ATAD2B: variants seen among roughly 807,000 people sequenced by gnomAD.
ATAD2B encodes the protein ATPase family AAA domain containing 2B.
In ATAD2B, 40 loss-of-function variants were observed where a neutral mutation model predicts 167.6. The observed-to-expected ratio is 0.24, with a 90% CI of 0.19 to 0.31. The LOEUF (loss-of-function observed/expected upper bound fraction) is 0.31, where lower values mean the gene tolerates loss of function less well. Ranked by LOEUF, ATAD2B falls within the 10% of genes least tolerant of loss-of-function variation. The pLI, the probability that ATAD2B is intolerant of heterozygous loss-of-function variation, is 1.00. For missense variants in ATAD2B, 1,242 were observed against 1,757.2 expected, an observed-to-expected ratio of 0.71 and a Z score of 5.24; for synonymous variants, 579 against 596.5, an observed-to-expected ratio of 0.97 and a Z score of 0.43.
the ATAD2B span, among the ~76,000 whole-genome samples, chr2:23,715,024 G>GA: frequency 2.0e-5 from 3 of 151,800 alleles, no homozygotes; most frequent in African/African-American, 7.3e-5. Flanking sequence ...ATTTTTAATT[G>GA]AAAAAAATCC....
intron 1 of ATAD2B, among the ~76,000 whole-genome samples, chr2:23,902,013 A>C (rs998008365): frequency 3.9e-5 from 6 of 152,140 alleles, no homozygotes; most frequent in African/African-American, 1.4e-4. Context: ...ACTGGCTTTC[A>C]ATTCCATTCA....
At chr2:23,770,574 G>T (rs1678182666) in intron 22 of ATAD2B, among the ~76,000 whole-genome samples, 1 of 152,126 alleles carries the variant, frequency 6.6e-6, no homozygotes, top group Non-Finnish European at 1.5e-5. Flanking sequence ...ATATCCAATT[G>T]TTCCAACACT....
intron 27 of ATAD2B, 63 bp downstream of exon 27, chr2:23,754,116 T>C (rs1675678092): frequency 5.1e-6 from 7 of 1,366,068 alleles, no homozygotes; most frequent in Admixed American, 3.5e-5. Flanking sequence ...CTTTTTTTCC[T>C]CTTTTCTTTG....
chr2:23,731,371 G>C, the ATAD2B span, among the ~76,000 whole-genome samples: 1 of 152,122 alleles, frequency 6.6e-6, no homozygotes, highest in Non-Finnish European at 1.5e-5. Context: ...GATTACATTA[G>C]AACTCACCAT....
chr2:23,751,956 A>G lies in ATAD2B; in HGVS notation c.*90T>C. The G allele has an allele frequency of 9.9e-7, 1 of 1,011,488 alleles. No homozygotes were observed. The highest frequency in any genetic ancestry group is 1.5e-6 in the Non-Finnish European group (1 of 666,096). 62.7% of individuals were successfully genotyped at this position (1,011,488 alleles called of 1,614,324 possible). A position where few individuals can be genotyped will look rare whatever the true frequency, so the allele number is the denominator to read the frequency against. On this transcript the variant is annotated 3_prime_UTR_variant, in exon 28 of 28. Coordinates refer to ENST00000238789, the MANE Select transcript of ATAD2B (RefSeq NM_017552.4). Reference sequence around the variant, plus strand: ...AGAGCACTTTACACCAAGGCTCTGCACATAATTGGTGCAATTTGAAATTGA... The same window carrying G: ...AGAGCACTTTACACCAAGGCTCTGCGCATAATTGGTGCAATTTGAAATTGA...
the ATAD2B span, among the ~76,000 whole-genome samples, chr2:23,683,825 A>G: frequency 6.6e-6 from 1 of 151,948 alleles, no homozygotes; most frequent in Middle Eastern, 3.2e-3. Context: ...GTGAAACAGA[A>G]GGAGGTGCTT....
intron 1 of ATAD2B, among the ~76,000 whole-genome samples, chr2:23,901,948 G>C (rs1700893391): frequency 6.6e-6 from 1 of 151,884 alleles, no homozygotes. Flanking sequence ...ATAGTTACTT[G>C]AATATCAATT....
chr2:23,685,108 T>C, the ATAD2B span, among the ~76,000 whole-genome samples: 2 of 152,258 alleles, frequency 1.3e-5, no homozygotes, highest in Admixed American at 6.5e-5. Context: ...CCTTGTGCAG[T>C]GAGCCTAAAC....
At chr2:23,703,426 G>T in the ATAD2B span, 1 of 1,400,366 alleles carries the variant, frequency 7.1e-7, no homozygotes, top group Non-Finnish European at 9.4e-7. Context: ...TCGCATCCCT[G>T]CCTTGCTGAT....
chr2:23,916,181 T>C (rs933685564), intron 1 of ATAD2B, among the ~76,000 whole-genome samples: 1 of 152,172 alleles, frequency 6.6e-6, no homozygotes, highest in African/African-American at 2.4e-5. Context: ...AGTTGTAAAA[T>C]AGGGAATAGT....
chr2:23,863,309 T>C lies in ATAD2B; in HGVS notation c.1479+72A>G. The C allele has an allele frequency of 1.4e-6, 2 of 1,447,378 alleles. 1 individual carries two copies. Among genetic ancestry groups the C allele is most frequent in the South Asian group, 2.8e-5 (2 of 71,196 alleles). The allele number at this position is 1,447,378 out of a possible 1,614,324, so 89.7% of individuals were successfully genotyped here. On this transcript the variant is annotated intron_variant, in intron 12 of 27. Transcript: ENST00000238789. ...GCCTGGGTAACAGAGAGAGGCCCTG[T>C]CTCAAAAAAACAAAGAAAGAAAAGA...
intron 19 of ATAD2B, among the ~76,000 whole-genome samples, chr2:23,789,943 A>G (rs1396681668): frequency 6.6e-6 from 1 of 152,200 alleles, no homozygotes; most frequent in Non-Finnish European, 1.5e-5. Context: ...AGAAGAAACA[A>G]TGAAAGGTAA....
downstream of ATAD2B, among the ~76,000 whole-genome samples, chr2:23,745,502 T>C (rs113414507): frequency 3.7e-3 from 566 of 151,514 alleles, 7 homozygotes; most frequent in African/African-American, 0.012. Flanking sequence ...AGCAAAGGAA[T>C]TTACCATTCA....
the ATAD2B span, among the ~76,000 whole-genome samples, chr2:23,715,303 G>A: frequency 1.3e-5 from 2 of 152,042 alleles, no homozygotes; most frequent in African/African-American, 2.4e-5. Flanking sequence ...GGCCAGGCAC[G>A]GTGGCTCACG....
chr2:23,887,134 C>T (rs1416627600), intron 4 of ATAD2B, among the ~76,000 whole-genome samples: 1 of 151,732 alleles, frequency 6.6e-6, no homozygotes, highest in Middle Eastern at 3.2e-3. Flanking sequence ...CATGGTGGCA[C>T]GCGCCTATAG....
chr2:23,816,479 C>A (rs963853207), intron 17 of ATAD2B, among the ~76,000 whole-genome samples: 4 of 152,172 alleles, frequency 2.6e-5, no homozygotes, highest in Non-Finnish European at 4.4e-5. Flanking sequence ...ATTAAACATA[C>A]ACTGACATGA....
intron 13 of ATAD2B, among the ~76,000 whole-genome samples, chr2:23,841,575 G>A (rs900110201): frequency 1.3e-5 from 2 of 152,030 alleles, no homozygotes; most frequent in African/African-American, 4.8e-5. Flanking sequence ...GAGTACGGTA[G>A]TATTATCACA....
chr2:23,690,967 C>T, the ATAD2B span: 1 of 153,272 alleles, frequency 6.5e-6, no homozygotes, highest in Non-Finnish European at 1.5e-5. Flanking sequence ...GAGGGCCCGC[C>T]CCGGGCCAGG....
chr2:23,754,022 A>G (rs1031717765), intron 27 of ATAD2B, among the ~76,000 whole-genome samples, 157 bp downstream of exon 27: 6 of 152,174 alleles, frequency 3.9e-5, no homozygotes, highest in African/African-American at 1.4e-4. Context: ...TATTCTTCAA[A>G]CTGTAACTCT....
Sources: allele counts gnomAD v4.1 joint callset (sites outside exome capture counted in the v4.1 genomes callset), GRCh38; gene constraint gnomAD v4.1.1; transcripts MANE v1.5; gene names NCBI Gene and HGNC (gene_info 2026-07-23, HGNC 2026-07-21).